SOAT2: variants seen among roughly 807,000 people sequenced by gnomAD.
SOAT2 encodes the protein sterol O-acyltransferase 2, also known as ACAT-2.
SOAT2 carries 87 observed loss-of-function variants against 76.0 expected under a neutral mutation model. The ratio of observed to expected loss-of-function variants is 1.14; its 90% CI spans 0.96 to 1.37. The LOEUF is 1.37. SOAT2 is among the 40% of genes most tolerant of loss of function. SOAT2 has a pLI of 0.00. For missense variants in SOAT2, 686 were observed against 682.1 expected, an observed-to-expected ratio of 1.01 and a Z score of -0.06; for synonymous variants, 285 against 275.4, an observed-to-expected ratio of 1.03 and a Z score of -0.34.
chr12:53,118,819 A>G (rs1397717238), intron 8 of SOAT2, 71 bp from the exon 9 acceptor site: 1 of 1,565,702 alleles, frequency 6.4e-7, no homozygotes, highest in Non-Finnish European at 8.8e-7. Context: ...AGGGCCCCAG[A>G]ACCCGTGCCC....
chr12:53,123,818 AG>A lies in SOAT2; in HGVS notation c.1465del (p.Val489SerfsTer25). 1.2e-6 allele frequency: 2 copies of A among 1,614,190 alleles called. No individual in the cohort carries two copies. Among genetic ancestry groups the A allele is most frequent in the Non-Finnish European group, 8.5e-7 (1 of 1,180,036 alleles). On this transcript the variant is annotated frameshift_variant, in exon 14 of 15. Transcript: ENST00000301466. LOFTEE classifies it high-confidence loss of function. Reference protein sequence around the residue: ...WTMLFLGQGIQVSLYCQEWYA... With the variant: ...WTMLFLGQGIXVSLYCQEWYA... ...ATGCTGTTTCTAGGCCAGGGAATCC[AG>A]GTCAGCCTGTACTGCCAGGAGTGGT...
intron 5 of SOAT2, among the ~76,000 whole-genome samples, chr12:53,107,260 A>G (rs1352124142): frequency 6.6e-6 from 1 of 152,142 alleles, no homozygotes; most frequent in African/African-American, 2.4e-5. Context: ...ATGGGGCACC[A>G]AAAGCAGCAG....
In SOAT2 at chr12:53,120,454, G is replaced by A. The variant is rs188982973; in HGVS notation, c.1040-332G>A. Among the ~76,000 whole-genome samples the A allele has an allele frequency of 3.9e-5, 6 of 152,030 alleles. No homozygotes were observed. In the East Asian group the frequency reaches 1.2e-3, roughly 29 times the overall value. On this transcript the variant is annotated intron_variant, in intron 10 of 14. Transcript: ENST00000301466. ...ACTGCACTCCAGACTGGGAGAGAGA[G>A]ACTCCGTCTCAAAAAAATAATAATA...
Position 53,115,386 on chromosome 12 carries a change from C to A in SOAT2, c.444-4C>A. 1 of 1,596,308 alleles carries A rather than the reference C, an allele frequency of 6.3e-7. No individual in the cohort carries two copies. Among genetic ancestry groups the A allele is most frequent in the Non-Finnish European group, 8.5e-7 (1 of 1,170,296 alleles). On this transcript the variant is annotated splice_polypyrimidine_tract_variant and splice_region_variant and intron_variant, in intron 5 of 14. Transcript: ENST00000301466. ...CTACTTTGTCTCTCCTTCCCCACTCCAAGGCTGCTGCTGGAGTTTGACCTA... is the reference window on the plus strand; with the variant it reads ...CTACTTTGTCTCTCCTTCCCCACTCAAAGGCTGCTGCTGGAGTTTGACCTA...
intron 5 of SOAT2, among the ~76,000 whole-genome samples, chr12:53,108,983 A>C (rs1937974560): frequency 6.6e-6 from 1 of 152,252 alleles, no homozygotes; most frequent in Non-Finnish European, 1.5e-5. Context: ...TCATGCCTGT[A>C]ATCCCAGCAC....
chr12:53,123,508 G>A (rs1938226831), intron 13 of SOAT2, among the ~76,000 whole-genome samples: 1 of 152,178 alleles, frequency 6.6e-6, no homozygotes, highest in Non-Finnish European at 1.5e-5. Flanking sequence ...GGATGAGGCT[G>A]AGAGGCTCAG....
chr12:53,103,673 G>A lies in SOAT2; in HGVS notation c.82+14G>A, dbSNP rs571367684. The A allele has an allele frequency of 4.1e-5, 62 of 1,516,118 alleles. No homozygotes were observed. Among genetic ancestry groups the A allele is most frequent in the South Asian group, 1.9e-4 (15 of 79,676 alleles). The allele number at this position is 1,516,118 out of a possible 1,614,324, so 93.9% of individuals were successfully genotyped here. A position where few individuals can be genotyped will look rare whatever the true frequency, so the allele number is the denominator to read the frequency against. On this transcript the variant is annotated intron_variant, in intron 1 of 14. Transcript: ENST00000301466. ...CCTGTGGAGATGGTGAGCCGCCCTC[G>A]GGGGTGCAGAAGGCACAGGCAAGTG...
intron 5 of SOAT2, among the ~76,000 whole-genome samples, chr12:53,114,573 TAGCC>T (rs1938071287): frequency 6.6e-6 from 1 of 151,740 alleles, no homozygotes; most frequent in Non-Finnish European, 1.5e-5. Context: ...AAAAAAAAAT[TAGCC>T]AGTCGTGGTG....
At chr12:53,117,754 AGCT>A (rs1375381778) in intron 7 of SOAT2, among the ~76,000 whole-genome samples, 1 of 152,134 alleles carries the variant, frequency 6.6e-6, no homozygotes, top group Non-Finnish European at 1.5e-5. Context: ...TGCCACCGGC[AGCT>A]GCCAGTGTCC....
Position 53,115,584 on chromosome 12 carries a change from C to T in SOAT2, c.638C>T (p.Ala213Val), listed in dbSNP as rs1386659085. ...LLAAHAVVLC[A>V]LPVHVAVEHQ... ...GCCGCCCACGCCGTGGTGCTCTGCG[C>T]GCTGCCGGTCCACGTGGCCGTGGAG... Residue 213 changes from alanine to valine, a missense_variant, in exon 6 of 15, where the codon GCG (alanine) becomes GTG (valine). Coordinates refer to ENST00000301466, the MANE Select transcript of SOAT2 (RefSeq NM_003578.4). The T allele has an allele frequency of 1.3e-6, 2 of 1,579,850 alleles. No homozygotes were observed. Among genetic ancestry groups the T allele is most frequent in the South Asian group, 2.2e-5 (2 of 89,506 alleles).
intron 3 of SOAT2, 64 bp downstream of exon 3, chr12:53,105,307 G>A (rs907556621): frequency 8.1e-5 from 126 of 1,546,830 alleles, no homozygotes; most frequent in Non-Finnish European, 1.0e-4. Flanking sequence ...GAAACATCAC[G>A]TTATGTGCCC....
intron 10 of SOAT2, among the ~76,000 whole-genome samples, chr12:53,119,575 G>A (rs1355987789): frequency 6.7e-6 from 1 of 149,954 alleles, no homozygotes; most frequent in Non-Finnish European, 1.5e-5. Context: ...AGTCAATGCT[G>A]GCACTTTTGG....
intron 2 of SOAT2, 100 bp from the exon 3 acceptor site, chr12:53,105,006 AG>A (rs200177324): frequency 8.1e-7 from 1 of 1,237,204 alleles, no homozygotes; most frequent in Non-Finnish European, 1.1e-6. Context: ...TTTTAAAAAA[AG>A]CACTGTGCCT....
In SOAT2 at chr12:53,115,748, C is replaced by G. The variant is rs140795321; in HGVS notation, c.708+94C>G. On this transcript the variant is annotated intron_variant, in intron 6 of 14. Transcript: ENST00000301466. Reference sequence around the variant, plus strand: ...TCCCCCAAAGAGGGGGCGGGGCCCACGAGAGGGAGGCGCTGGAGAAGGCAT... The same window carrying G: ...TCCCCCAAAGAGGGGGCGGGGCCCAGGAGAGGGAGGCGCTGGAGAAGGCAT... The G allele has an allele frequency of 1.3e-4, 172 of 1,372,470 alleles. 1 individual carries two copies. The African/African-American group carries it at 2.2e-3, about 18-fold the overall frequency. The allele number at this position is 1,372,470 out of a possible 1,614,324, so 85.0% of individuals were successfully genotyped here.
intron 7 of SOAT2, among the ~76,000 whole-genome samples, 163 bp from the exon 8 acceptor site, chr12:53,118,186 TC>T (rs1353873015): frequency 1.3e-5 from 2 of 151,202 alleles, no homozygotes; most frequent in African/African-American, 4.9e-5. Flanking sequence ...CCAGCTTAGC[TC>T]CCCTAGCCCG....
intron 5 of SOAT2, among the ~76,000 whole-genome samples, chr12:53,109,624 G>A (rs1407210870): frequency 6.6e-6 from 1 of 152,058 alleles, no homozygotes; most frequent in Non-Finnish European, 1.5e-5. Context: ...TGGAATTACA[G>A]GCATACGCCA....
intron 4 of SOAT2, 92 bp downstream of exon 4, chr12:53,105,712 G>A: frequency 1.6e-6 from 2 of 1,241,208 alleles, no homozygotes; most frequent in Non-Finnish European, 2.3e-6. Context: ...GCCTCTAGGT[G>A]GTTTGTGGAG....
intron 7 of SOAT2, 131 bp downstream of exon 7, chr12:53,116,297 A>G: frequency 2.7e-6 from 2 of 735,614 alleles, no homozygotes; most frequent in Admixed American, 4.8e-5. Context: ...CAGCCCTGGC[A>G]TCCAGCTGGG....
chr12:53,103,590 G>T lies in SOAT2; in HGVS notation c.13G>T (p.Gly5Trp). 6.5e-7 allele frequency: 1 copy of T among 1,546,680 alleles called. No individual in the cohort carries two copies. The change falls in exon 1 of 15, where the codon GGG becomes TGG. Residue 5 changes from glycine to tryptophan, a missense_variant. Coordinates refer to ENST00000301466, the MANE Select transcript of SOAT2 (RefSeq NM_003578.4). MEPG[G>W]ARLRLQRTEG... ...TGGAGACCGCACCATGGAGCCAGGC[G>T]GGGCCCGTCTGCGTCTGCAGAGGAC... is the stretch of plus-strand genomic sequence containing the variant.
Sources: allele counts gnomAD v4.1 joint callset (sites outside exome capture counted in the v4.1 genomes callset), GRCh38; gene constraint gnomAD v4.1.1; transcripts MANE v1.5; gene names NCBI Gene and HGNC (gene_info 2026-07-23, HGNC 2026-07-21).